The following SRFBP1 variants were observed in gnomAD, a reference collection of about 807,000 sequenced individuals.
SRFBP1 encodes serum response factor binding protein 1.
SRFBP1 carries 47 observed loss-of-function variants against 45.5 expected under a neutral mutation model. The ratio of observed to expected loss-of-function variants is 1.03; its 90% CI spans 0.82 to 1.32. SRFBP1 has a LOEUF of 1.32. Ranked by LOEUF, SRFBP1 falls within the 40% of genes most tolerant of loss-of-function variation. SRFBP1 has a pLI of 0.00. For missense variants in SRFBP1, 621 were observed against 484.6 expected (o/e 1.28, Z -2.64); for synonymous variants, 203 against 166.3 (o/e 1.22, Z -1.70).
chr5:122,072,828 C>G (rs1014108548), intron 2 of SRFBP1, among the ~76,000 whole-genome samples: 1 of 152,116 alleles, frequency 6.6e-6, no homozygotes, highest in African/African-American at 2.4e-5. Context: ...GTCTACAATC[C>G]CAGCTTCAAA....
chr5:121,996,958 G>C (rs1752740615), intron 4 of SRFBP1, among the ~76,000 whole-genome samples: 1 of 137,048 alleles, frequency 7.3e-6, no homozygotes, highest in Admixed American at 7.4e-5. Flanking sequence ...AACTTACAAG[G>C]GATGTGAAGG....
chr5:122,037,316 A>G (rs1753709904), intron 2 of SRFBP1, among the ~76,000 whole-genome samples: 1 of 152,164 alleles, frequency 6.6e-6, no homozygotes, highest in Admixed American at 6.5e-5. Context: ...CATGACTAAT[A>G]AAATTATTTG....
At chr5:122,017,610 A>C (rs1455968189) in intron 4 of SRFBP1, among the ~76,000 whole-genome samples, 3 of 152,194 alleles carry the variant, frequency 2.0e-5, no homozygotes, top group Admixed American at 2.0e-4. Flanking sequence ...CCTAGTACAC[A>C]AGGTAATTAA....
intron 7 of SRFBP1, among the ~76,000 whole-genome samples, chr5:122,023,531 G>C (rs1338765239): frequency 6.6e-6 from 1 of 152,158 alleles, no homozygotes; most frequent in Non-Finnish European, 1.5e-5. Context: ...AAAAATGGAA[G>C]GCACACAACA....
intron 4 of SRFBP1, among the ~76,000 whole-genome samples, chr5:122,008,388 T>C (rs532822507): frequency 6.6e-6 from 1 of 152,210 alleles, no homozygotes; most frequent in South Asian, 2.1e-4. Context: ...TGTGACGACC[T>C]TCTTGGTGCT....
At chr5:121,964,659 T>G (rs1752025701) in intron 1 of SRFBP1, among the ~76,000 whole-genome samples, 1 of 152,228 alleles carries the variant, frequency 6.6e-6, no homozygotes, top group South Asian at 2.1e-4. Flanking sequence ...AACATACATG[T>G]GCATGTGCCT....
chr5:121,974,186 T>A lies in SRFBP1; in HGVS notation c.37-10T>A, dbSNP rs1158670295. The A allele has an allele frequency of 6.3e-7, 1 of 1,597,256 alleles. No individual in the cohort carries two copies. The highest frequency in any genetic ancestry group is 1.1e-5 in the South Asian group (1 of 90,284). On this transcript the variant is annotated splice_polypyrimidine_tract_variant and intron_variant, in intron 1 of 7. Transcript: ENST00000339397. ...TGCCTTTCTTCTAATTATTGCTTTA[T>A]TCTTCAAAGGTTGTGAAGATGAGAA... is the stretch of plus-strand genomic sequence containing the variant.
chr5:122,046,943 T>G (rs977224804), intron 2 of SRFBP1, among the ~76,000 whole-genome samples: 14 of 152,336 alleles, frequency 9.2e-5, no homozygotes, highest in African/African-American at 2.9e-4. Flanking sequence ...ATTCTGGATA[T>G]TAGCCCTTTG....
downstream of SRFBP1, among the ~76,000 whole-genome samples, chr5:122,030,049 A>G (rs1753564912): frequency 1.3e-5 from 2 of 152,302 alleles, no homozygotes; most frequent in Admixed American, 1.3e-4. Context: ...AGCTCTGCAA[A>G]ACAGAAGCCT....
intron 2 of SRFBP1, among the ~76,000 whole-genome samples, chr5:122,061,601 T>C (rs527755610): frequency 6.6e-6 from 1 of 152,150 alleles, no homozygotes; most frequent in South Asian, 2.1e-4. Context: ...TAACATAATT[T>C]TAAGTATACA....
chr5:121,994,659 A>C lies in SRFBP1; in HGVS notation c.259A>C (p.Ile87Leu). 6.3e-7 allele frequency: 1 copy of C among 1,592,070 alleles called. No individual in the cohort carries two copies. The highest frequency in any genetic ancestry group is 8.6e-7 in the Non-Finnish European group (1 of 1,167,794). The change falls in exon 4 of 8, where the codon ATC becomes CTC. Residue 87 changes from isoleucine to leucine, a missense_variant. Coordinates refer to ENST00000339397, the MANE Select transcript of SRFBP1 (RefSeq NM_152546.3). Reference sequence around the variant, plus strand: ...TGGTGATGATATCAACTTTGAAAAAATCTTCAAAAAGGTATATCTGCAATA... The same window carrying C: ...TGGTGATGATATCAACTTTGAAAAACTCTTCAAAAAGGTATATCTGCAATA... ...ALGDDINFEK[I>L]FKKPDSTATE...
intron 3 of SRFBP1, among the ~76,000 whole-genome samples, chr5:121,984,483 G>A (rs1267003693): frequency 6.6e-6 from 1 of 151,716 alleles, no homozygotes; most frequent in African/African-American, 2.4e-5. Context: ...GCAGTGTTCA[G>A]CACATAGAAG....
intron 2 of SRFBP1, among the ~76,000 whole-genome samples, chr5:122,049,978 C>T (rs907705689): frequency 6.6e-6 from 1 of 151,900 alleles, no homozygotes; most frequent in African/African-American, 2.4e-5. Flanking sequence ...AGTTGAAAGC[C>T]TTTTCTGCAT....
chr5:122,022,268 G>A, intron 6 of SRFBP1, 102 bp from the exon 7 acceptor site: 2 of 895,774 alleles, frequency 2.2e-6, no homozygotes, highest in Non-Finnish European at 3.5e-6. Context: ...AAGGAGTATA[G>A]TGGCCCTTTG....
chr5:121,993,857 G>A (rs1411802160), intron 3 of SRFBP1, among the ~76,000 whole-genome samples: 2 of 151,782 alleles, frequency 1.3e-5, no homozygotes, highest in Non-Finnish European at 2.9e-5. Flanking sequence ...AGGTGGAAGG[G>A]CCTTTTTTAA....
downstream of SRFBP1, chr5:122,077,880 G>A (rs752726099): frequency 6.5e-7 from 1 of 1,535,996 alleles, no homozygotes; most frequent in Non-Finnish European, 8.7e-7. This position sits in a 1 kb window ranked among gnomAD's most constrained non-coding sequence, Gnocchi z 4.9. Context: ...GGAGCCGCCG[G>A]CGGCTCGCGC....
At chr5:121,995,414 G>A (rs968203357) in intron 4 of SRFBP1, among the ~76,000 whole-genome samples, 5 of 152,088 alleles carry the variant, frequency 3.3e-5, no homozygotes, top group African/African-American at 7.2e-5. Context: ...CTGAATGACT[G>A]CTGGGTACAC....
At chr5:122,068,125 A>G (rs1019349166) in intron 2 of SRFBP1, among the ~76,000 whole-genome samples, 1 of 147,416 alleles carries the variant, frequency 6.8e-6, no homozygotes, top group Non-Finnish European at 1.5e-5. Context: ...AGTTATAAAC[A>G]TTCCAGCTTC....
intron 4 of SRFBP1, among the ~76,000 whole-genome samples, chr5:121,996,929 A>T (rs1203318306): frequency 6.8e-6 from 1 of 146,678 alleles, no homozygotes; most frequent in Non-Finnish European, 1.5e-5. Context: ...TTCAAAGAGA[A>T]TAAAATACCT....
Sources: gnomAD v4.1 joint callset for allele counts (sites outside exome capture counted in the v4.1 genomes callset) on GRCh38, gnomAD v4.1.1 for gene constraint, Gnocchi (gnomAD v3.1) non-coding constraint, MANE v1.5 for transcripts, NCBI Gene and HGNC (gene_info 2026-07-23, HGNC 2026-07-21) for gene names.